The following OR3A2 variants were observed in gnomAD, a reference collection of about 807,000 sequenced individuals.
OR3A2 encodes the protein olfactory receptor 3A2.
For missense variants in OR3A2, 318 were observed against 392.8 expected, an observed-to-expected ratio of 0.81 and a Z score of 1.61; for synonymous variants, 126 against 159.3, an observed-to-expected ratio of 0.79 and a Z score of 1.57.
At chr17:3,372,928 T>C (rs1004129583) in intron 2 of OR3A2, among the ~76,000 whole-genome samples, 5 of 147,178 alleles carry the variant, frequency 3.4e-5, no homozygotes, top group Admixed American at 6.9e-5. Flanking sequence ...GATTTTTTGA[T>C]GTAGGCATAT....
intron 2 of OR3A2, among the ~76,000 whole-genome samples, chr17:3,354,109 GTATTCATCAGAGA>G (rs1452635641): frequency 2.0e-4 from 31 of 151,886 alleles, no homozygotes; most frequent in African/African-American, 7.5e-4. Flanking sequence ...TTCTGCACCA[GTATTCATCAGAGA>G]TACTGGCCTG....
intron 3 of OR3A2, among the ~76,000 whole-genome samples, chr17:3,331,040 C>T (rs1458326046): frequency 6.6e-6 from 1 of 152,050 alleles, no homozygotes; most frequent in African/African-American, 2.4e-5. Context: ...GACTATTGGC[C>T]CCCACTCTCT....
At chr17:3,383,042 G>A (rs1272834646) in intron 2 of OR3A2, among the ~76,000 whole-genome samples, 1 of 152,190 alleles carries the variant, frequency 6.6e-6, no homozygotes, top group Non-Finnish European at 1.5e-5. Context: ...ACAAAGCAGA[G>A]AGTGACCAGA....
intron 3 of OR3A2, among the ~76,000 whole-genome samples, chr17:3,324,022 C>T (rs569059130): frequency 2.0e-4 from 31 of 152,212 alleles, no homozygotes; most frequent in South Asian, 4.1e-4. Flanking sequence ...GGTCTTTTCA[C>T]GTAGTCCCAT....
upstream of OR3A2, among the ~76,000 whole-genome samples, chr17:3,284,796 G>A (rs2048797869): frequency 7.0e-6 from 1 of 142,496 alleles, no homozygotes; most frequent in Non-Finnish European, 1.5e-5. Context: ...GAGAGGTGCA[G>A]CTGGAGACTC....
rs1056955323 is a variant in OR3A2, at chr17:3,306,559, G to T, written c.-84-27406C>A. On this transcript the variant is annotated intron_variant, in intron 3 of 4. Coordinates refer to the OR3A2 transcript ENST00000573491. ...CAAATATATAGAGTGTTTGTGGGGG[G>T]TGGGGTCCCTTTCTACTGAAAAGCT... Among the ~76,000 whole-genome samples the T allele has an allele frequency of 6.4e-4, 97 of 151,962 alleles. 1 individual carries two copies. Among genetic ancestry groups the T allele is most frequent in the Non-Finnish European group, 3.2e-4 (22 of 67,970 alleles).
At chr17:3,353,178 T>C (rs1399774808) in intron 2 of OR3A2, among the ~76,000 whole-genome samples, 2 of 151,592 alleles carry the variant, frequency 1.3e-5, no homozygotes, top group African/African-American at 4.8e-5. Context: ...CAGGTTGCTT[T>C]CCAAAAATGC....
chr17:3,292,354 T>C (rs748670575), intron 3 of OR3A2: 3 of 1,613,992 alleles, frequency 1.9e-6, no homozygotes, highest in Non-Finnish European at 2.5e-6. Context: ...GTGACGCTGA[T>C]GCACCCAACA....
chr17:3,363,873 G>C (rs2049540453), intron 2 of OR3A2, among the ~76,000 whole-genome samples: 1 of 152,162 alleles, frequency 6.6e-6, no homozygotes, highest in African/African-American at 2.4e-5. Flanking sequence ...AGGAGAAAGA[G>C]AGAGAAAGAG....
At chr17:3,359,542 G>A (rs573562571) in intron 2 of OR3A2, among the ~76,000 whole-genome samples, 1 of 151,826 alleles carries the variant, frequency 6.6e-6, no homozygotes, top group East Asian at 1.9e-4. Context: ...AACTTAGTTT[G>A]GCTGGATATG....
chr17:3,382,996 C>T (rs59929415), intron 2 of OR3A2, among the ~76,000 whole-genome samples: 21,760 of 152,162 alleles, frequency 0.14, 2,164 homozygotes, highest in African/African-American at 0.28. Flanking sequence ...AGCCATCATA[C>T]GGCTAGAGCA....
rs115904803 is a variant in OR3A2 at position 3,300,185 on chromosome 17, G to T, written c.-84-21032C>A. 5.2e-3 allele frequency among the ~76,000 whole-genome samples: 782 copies of T among 151,036 alleles called. 7 individuals are homozygous for T. Among genetic ancestry groups the T allele is most frequent in the African/African-American group, 0.018 (750 of 41,008 alleles). Reference sequence around the variant, plus strand: ...AAAAACAACTTTTATGACATCATCTGATCACTATGACTGTCTCTGCCCTCA... The same window carrying T: ...AAAAACAACTTTTATGACATCATCTTATCACTATGACTGTCTCTGCCCTCA... On this transcript the variant is annotated intron_variant, in intron 3 of 4. Coordinates refer to the OR3A2 transcript ENST00000573491.
In OR3A2 at chr17:3,311,069, C is replaced by A. The variant is rs772796017; in HGVS notation, c.-85+24964G>T. 4 of 545,618 alleles carry A rather than the reference C, an allele frequency of 7.3e-6. No individual in the cohort carries two copies. The highest frequency in any genetic ancestry group is 5.5e-5 in the South Asian group (4 of 72,568). 33.8% of individuals were successfully genotyped at this position (545,618 alleles called of 1,614,324 possible). ...GTTCCCACCTCACTGTGGTGGGCATCTTCTATGGGACGGGCGTCTTCAGCT... is the reference window on the plus strand; with the variant it reads ...GTTCCCACCTCACTGTGGTGGGCATATTCTATGGGACGGGCGTCTTCAGCT... On this transcript the variant is annotated intron_variant, in intron 3 of 4. Coordinates refer to the OR3A2 transcript ENST00000573491. This position sits in a 1 kb window ranked among gnomAD's most constrained non-coding sequence, Gnocchi z 4.6.
intron 2 of OR3A2, among the ~76,000 whole-genome samples, chr17:3,344,638 C>T (rs1291691090): frequency 2.0e-5 from 3 of 152,166 alleles, no homozygotes; most frequent in Non-Finnish European, 2.9e-5. Flanking sequence ...TGACCATTCC[C>T]CAAATCCCTC....
At chr17:3,357,940 C>T (rs577032169) in intron 2 of OR3A2, among the ~76,000 whole-genome samples, 1 of 151,632 alleles carries the variant, frequency 6.6e-6, no homozygotes, top group South Asian at 2.1e-4. Context: ...CTAGTGAGGC[C>T]TTGCCTGGCA....
At chr17:3,292,627 C>T (rs750441856) in intron 3 of OR3A2, 4 of 1,464,210 alleles carry the variant, frequency 2.7e-6, no homozygotes, top group Non-Finnish European at 3.7e-6. Flanking sequence ...AATCACTCCT[C>T]CCAATAATTT....
chr17:3,295,714 AGAAAGGGT>A (rs1567545706), intron 3 of OR3A2, among the ~76,000 whole-genome samples: 1 of 152,140 alleles, frequency 6.6e-6, no homozygotes. Flanking sequence ...CAAGTTAATT[AGAAAGGGT>A]GAAAGGTAAA....
chr17:3,303,822 G>A (rs1354594616), intron 3 of OR3A2, among the ~76,000 whole-genome samples: 2 of 150,836 alleles, frequency 1.3e-5, no homozygotes, highest in Admixed American at 6.6e-5. Flanking sequence ...AACCTGGGAG[G>A]CGGAGGTTGC....
At chr17:3,329,106 A>G (rs62091267) in intron 3 of OR3A2, among the ~76,000 whole-genome samples, 52 of 151,782 alleles carry the variant, frequency 3.4e-4, no homozygotes, top group African/African-American at 1.0e-3. Context: ...TGCTGGATTC[A>G]GTTTGCCAGT....
Sources: allele counts gnomAD v4.1 joint callset (sites outside exome capture counted in the v4.1 genomes callset), GRCh38; gene constraint gnomAD v4.1.1; non-coding constraint Gnocchi (gnomAD v3.1); transcripts MANE v1.5; gene names NCBI Gene and HGNC (gene_info 2026-07-23, HGNC 2026-07-21).